The following SMC2 variants were observed in gnomAD, a reference collection of about 807,000 sequenced individuals.
SMC2 encodes structural maintenance of chromosomes protein 2.
A neutral mutation model predicts 142.6 loss-of-function variants in SMC2; 41 were observed. The ratio of observed to expected loss-of-function variants is 0.29; its 90% CI spans 0.22 to 0.37. The LOEUF (loss-of-function observed/expected upper bound fraction) is 0.37, where lower values mean the gene tolerates loss of function less well. Ranked by LOEUF, SMC2 falls within the 10% of genes least tolerant of loss-of-function variation. The pLI is 1.00. For missense variants in SMC2, 1,265 were observed against 1,373.7 expected (o/e 0.92, Z 1.25); for synonymous variants, 463 against 457.5 (o/e 1.01, Z -0.15).
intron 21 of SMC2, among the ~76,000 whole-genome samples, chr9:104,130,826 C>A (rs941405447): frequency 1.3e-5 from 2 of 152,074 alleles, no homozygotes; most frequent in Admixed American, 1.3e-4. Flanking sequence ...TTAGATGAGA[C>A]CTGAGTCTAA....
intron 18 of SMC2, 144 bp from the exon 19 acceptor site, chr9:104,126,497 T>A: frequency 1.9e-6 from 1 of 525,146 alleles, no homozygotes; most frequent in Non-Finnish European, 3.1e-6. Flanking sequence ...GGAAGCAGCT[T>A]AACCTGTACT....
intron 9 of SMC2, among the ~76,000 whole-genome samples, chr9:104,104,144 A>T (rs919947917): frequency 1.3e-5 from 2 of 152,180 alleles, no homozygotes; most frequent in African/African-American, 4.8e-5. Flanking sequence ...AGGTGGTCTC[A>T]TCCAGCTCTG....
At chr9:104,099,789 G>A in intron 5 of SMC2, 107 bp downstream of exon 5, 1 of 719,704 alleles carries the variant, frequency 1.4e-6, no homozygotes, top group Non-Finnish European at 2.3e-6. Context: ...CATTATTTGG[G>A]AATGATTAGT....
At chr9:104,091,969 T>C (rs1307211165), upstream of SMC2, 2 of 152,212 alleles carry the variant, frequency 1.3e-5, no homozygotes, top group African/African-American at 4.8e-5. Flanking sequence ...TAATCCATGG[T>C]GATGAAGCAA....
intron 19 of SMC2, among the ~76,000 whole-genome samples, chr9:104,127,042 A>C (rs1169801554): frequency 6.6e-6 from 1 of 152,130 alleles, no homozygotes; most frequent in Non-Finnish European, 1.5e-5. Context: ...CATTTGCAGC[A>C]TGAGCGTGCA....
chr9:104,126,570 T>C, intron 18 of SMC2, 71 bp from the exon 19 acceptor site: 1 of 1,109,088 alleles, frequency 9.0e-7, no homozygotes. Context: ...ATTTATTTAA[T>C]TGTTCTGTAC....
intron 15 of SMC2, among the ~76,000 whole-genome samples, chr9:104,119,317 C>T (rs1445997328): frequency 6.6e-6 from 1 of 152,076 alleles, no homozygotes; most frequent in Non-Finnish European, 1.5e-5. Flanking sequence ...ATAAGTAACC[C>T]CGTATTTTAA....
At chr9:104,138,268 T>C in intron 24 of SMC2, 103 bp downstream of exon 24, 2 of 920,840 alleles carry the variant, frequency 2.2e-6, no homozygotes, top group Non-Finnish European at 1.5e-6. Context: ...TTAGGGTTGA[T>C]AAATACTAAA....
chr9:104,114,042 C>A lies in SMC2; in HGVS notation c.1493C>A (p.Ala498Asp). Residue 498 changes from alanine (A) to aspartate (D), a missense_variant, in exon 12 of 25, where the codon GCT becomes GAT. By Grantham distance (126) the Ala-to-Asp change is moderately radical. Coordinates refer to ENST00000374793, the MANE Select transcript of SMC2 (RefSeq NM_006444.3). ...GGTAGATTGAAAGAAACATATGAAG[C>A]TCTATTAGCCAGATTTCCCAATCTT... ...DIGRLKETYE[A>D]LLARFPNLRF... The A allele has an allele frequency of 6.3e-7, 1 of 1,594,784 alleles. No homozygotes were observed. The highest frequency in any genetic ancestry group is 1.2e-5 in the South Asian group (1 of 86,938).
Position 104,116,308 on chromosome 9 carries a change from G to C in SMC2, c.1780G>C (p.Ala594Pro). ...RCIAPETLRV[A>P]QNLVGPDNVH... ...TATTGCACCAGAAACTCTGAGAGTT[G>C]CTCAGAATCTTGTAAGTCTCATTTT... Residue 594 changes from alanine (A) to proline (P), a missense_variant, in exon 14 of 25, where the codon GCT becomes CCT. Transcript: ENST00000374793. The C allele has an allele frequency of 6.2e-7, 1 of 1,604,284 alleles. No homozygotes were observed. The highest frequency in any genetic ancestry group is 8.5e-7 in the Non-Finnish European group (1 of 1,176,728).
chr9:104,100,331 C>A, intron 6 of SMC2, 58 bp from the exon 7 acceptor site: 4 of 1,474,000 alleles, frequency 2.7e-6, no homozygotes, highest in Non-Finnish European at 3.8e-6. Flanking sequence ...ACTTCTCTTT[C>A]AAATAAATTT....
At chr9:104,128,629 A>G (rs1010761546) in intron 20 of SMC2, among the ~76,000 whole-genome samples, 3 of 152,256 alleles carry the variant, frequency 2.0e-5, no homozygotes, top group African/African-American at 7.2e-5. Context: ...TTTGGGGCCT[A>G]CAGGTGAGAC....
At chr9:104,120,360 A>AT (rs1833596185) in intron 16 of SMC2, among the ~76,000 whole-genome samples, 198 bp downstream of exon 16, 1 of 152,236 alleles carries the variant, frequency 6.6e-6, no homozygotes, top group African/African-American at 2.4e-5. Flanking sequence ...TTGTTAAGAA[A>AT]TTAGCAAAAT....
Position 104,126,749 on chromosome 9 carries a change from A to G in SMC2, c.2560A>G (p.Ile854Val). ...AGCTATCAAATCCTATGAAAGTCAG[A>G]TTGAAGTAATGGCAGCTGAGGTGGC... is the stretch of plus-strand genomic sequence containing the variant. The part of the protein sequence containing the change: ...NEAIKSYESQ[I>V]EVMAAEVAKN... The change falls in exon 19 of 25, where the codon ATT (isoleucine) becomes GTT (valine). Residue 854 changes from isoleucine to valine, a missense_variant. Around this residue, in one of 4 missense-constraint regions of SMC2, gnomAD observed 898 missense variants for 904.2 expected, o/e 0.99. Transcript: ENST00000374793. 1 of 1,611,344 alleles carries G rather than the reference A, an allele frequency of 6.2e-7. No individual in the cohort carries two copies. Among genetic ancestry groups the G allele is most frequent in the Non-Finnish European group, 8.5e-7 (1 of 1,179,340 alleles).
rs1292285535 is a variant in SMC2 at position 104,111,618 on chromosome 9, A to G, written c.1058A>G (p.Lys353Arg). ...KTLAAKEKEV[K>R]KITDGLHALQ... The stretch of plus-strand genomic sequence containing the variant: ...TTAGCAGCAAAGGAAAAAGAGGTTA[A>G]AAAGATAACAGATGGACTGCATGCC... Residue 353 changes from lysine to arginine, a missense_variant, in exon 10 of 25, where the codon AAA (lysine) becomes AGA (arginine). Around this residue, in one of 4 missense-constraint regions of SMC2, gnomAD observed 898 missense variants for 904.2 expected, o/e 0.99. Coordinates refer to ENST00000374793, the MANE Select transcript of SMC2 (RefSeq NM_006444.3). 6.2e-7 allele frequency: 1 copy of G among 1,613,832 alleles called. No homozygotes were observed. The highest frequency in any genetic ancestry group is 8.5e-7 in the Non-Finnish European group (1 of 1,179,918).
At chr9:104,123,008 C>A in intron 16 of SMC2, 100 bp from the exon 17 acceptor site, 1 of 1,216,302 alleles carries the variant, frequency 8.2e-7, no homozygotes, top group Non-Finnish European at 1.1e-6. Flanking sequence ...TTGTTTATAA[C>A]GTATGTGAGT....
rs765743184 is a variant in SMC2 at position 104,120,135 on chromosome 9, T to C, written c.2105T>C (p.Leu702Ser). 2 of 1,612,504 alleles carry C rather than the reference T, an allele frequency of 1.2e-6. No homozygotes were observed. Among genetic ancestry groups the C allele is most frequent in the South Asian group, 2.2e-5 (2 of 90,700 alleles). Residue 702 changes from leucine to serine, a missense_variant, in exon 16 of 25, where the codon TTA becomes TCA. Physicochemically the swap from Leu to Ser is moderately radical, Grantham distance 145. Around this residue, in one of 4 missense-constraint regions of SMC2, gnomAD observed 898 missense variants for 904.2 expected, o/e 0.99. Coordinates refer to ENST00000374793, the MANE Select transcript of SMC2 (RefSeq NM_006444.3). ...ENELRALEEE[L>S]AGLKNTAEKY... Reference sequence around the variant, plus strand: ...GAGCTGCGGGCTCTAGAAGAGGAATTAGCAGGTCTTAAAAACACTGCTGAA... The same window carrying C: ...GAGCTGCGGGCTCTAGAAGAGGAATCAGCAGGTCTTAAAAACACTGCTGAA...
chr9:104,102,285 C>T (rs1488274144), intron 8 of SMC2, 92 bp downstream of exon 8: 6 of 1,083,750 alleles, frequency 5.5e-6, no homozygotes, highest in Non-Finnish European at 6.6e-6. Context: ...TGGGCATTGT[C>T]TTCCGTATTG....
In SMC2 at chr9:104,113,993, C is replaced by G; in HGVS notation, c.1444C>G (p.Arg482Gly). The G allele has an allele frequency of 6.3e-7, 1 of 1,589,784 alleles. No individual in the cohort carries two copies. The highest frequency in any genetic ancestry group is 2.3e-5 in the East Asian group (1 of 43,878). Residue 482 changes from arginine to glycine, a missense_variant, in exon 12 of 25, where the codon CGC becomes GGC. Around this residue, in one of 4 missense-constraint regions of SMC2, gnomAD observed 898 missense variants for 904.2 expected, o/e 0.99. Coordinates refer to ENST00000374793, the MANE Select transcript of SMC2 (RefSeq NM_006444.3). Reference sequence around the variant, plus strand: ...TAAAGAGGAAAGCCTTTTGGAAAAGCGCAGGCAGCTGTCTCGTGATATTGG... The same window carrying G: ...TAAAGAGGAAAGCCTTTTGGAAAAGGGCAGGCAGCTGTCTCGTGATATTGG... Reference protein sequence around the residue: ...ENKEESLLEKRRQLSRDIGRL... With the variant: ...ENKEESLLEKGRQLSRDIGRL...
Sources: gnomAD v4.1 joint callset for allele counts (sites outside exome capture counted in the v4.1 genomes callset) on GRCh38, gnomAD v4.1.1 for gene constraint, gnomAD v4.1.1 regional missense constraint, MANE v1.5 for transcripts, NCBI Gene and HGNC (gene_info 2026-07-23, HGNC 2026-07-21) for gene names.